Variants in POMK observed in about 807,000 individuals in gnomAD.
The protein encoded by POMK is protein O-mannose kinase.
Under a neutral mutation model 23.0 loss-of-function variants are expected in POMK, and 19 were observed. The ratio of observed to expected loss-of-function variants is 0.83; its 90% CI spans 0.58 to 1.21. POMK has a LOEUF of 1.21. Ranked by LOEUF, POMK falls within the 50% of genes most tolerant of loss-of-function variation. The pLI is 0.00. For synonymous variants in POMK, 173 were observed against 171.6 expected (o/e 1.01, Z -0.06); for missense variants, 410 against 431.3 (o/e 0.95, Z 0.44).
At chr8:43,107,821 T>G (rs554683022) in intron 4 of POMK, among the ~76,000 whole-genome samples, 1 of 152,176 alleles carries the variant, frequency 6.6e-6, no homozygotes, top group Admixed American at 6.5e-5. Flanking sequence ...GCTGGGACTA[T>G]AGGTGCACGT....
In POMK at chr8:43,103,540, G is replaced by T. The variant is rs752210389; in HGVS notation, c.-9G>T. On this transcript the variant is annotated 5_prime_UTR_variant, in exon 4 of 5. Transcript: ENST00000331373. ...TTGTGTATTTTAGGAAATTGCAGAG[G>T]CCGTCAACATGGAAAAGCAGCCCCA... 6.2e-7 allele frequency: 1 copy of T among 1,613,650 alleles called. No homozygotes were observed. Among genetic ancestry groups the T allele is most frequent in the Admixed American group, 1.7e-5 (1 of 59,978 alleles).
At chr8:43,099,086 A>G (rs1439595348) in intron 2 of POMK, among the ~76,000 whole-genome samples, 18 of 152,174 alleles carry the variant, frequency 1.2e-4, no homozygotes, top group Admixed American at 9.8e-4. Context: ...AGCTGGGCCT[A>G]TAGGCACAGG....
chr8:43,103,013 A>G lies in POMK; in HGVS notation c.-22+413A>G, dbSNP rs952345735. On this transcript the variant is annotated intron_variant, in intron 3 of 4. Transcript: ENST00000331373. ...CTTTCACCCCAAATCTACCTTTCAT[A>G]ACTGCTGAAGAGTAGCTTTTATTTC... Among the ~76,000 whole-genome samples, 5 of 152,128 alleles carry G rather than the reference A, an allele frequency of 3.3e-5. 1 individual carries two copies. Among genetic ancestry groups the G allele is most frequent in the Non-Finnish European group, 7.4e-5 (5 of 68,022 alleles).
At chr8:43,095,428 G>C (rs62517594) in intron 1 of POMK, among the ~76,000 whole-genome samples, 7,311 of 152,182 alleles carry the variant, frequency 0.048, 241 homozygotes, top group South Asian at 0.086. Context: ...AGGACTTAGG[G>C]ATATATAAAA....
In POMK at chr8:43,103,864, C is replaced by A. The variant is rs5024011; in HGVS notation, c.282+34C>A. 1,604,374 of 1,608,620 alleles carry A rather than the reference C, an allele frequency of 1. 800,151 individuals carry two copies. The highest frequency in any genetic ancestry group is 1 in the East Asian group (44,824 of 44,824). On this transcript the variant is annotated intron_variant, in intron 4 of 4. Coordinates refer to ENST00000331373, the MANE Select transcript of POMK (RefSeq NM_032237.5). ...GGGTTCATTTGCGATTGCTGTCATCCTGTTATTTCGCTTAACACAGTGTCC... is the reference window on the plus strand; with the variant it reads ...GGGTTCATTTGCGATTGCTGTCATCATGTTATTTCGCTTAACACAGTGTCC...
intron 4 of POMK, among the ~76,000 whole-genome samples, chr8:43,121,898 A>G (rs1258761254): frequency 6.6e-6 from 1 of 152,232 alleles, no homozygotes; most frequent in Non-Finnish European, 1.5e-5. Flanking sequence ...GGTTCCACCC[A>G]CTAATGTGGC....
chr8:43,099,142 G>A (rs995273250), intron 2 of POMK, among the ~76,000 whole-genome samples: 2 of 152,152 alleles, frequency 1.3e-5, no homozygotes, highest in African/African-American at 4.8e-5. Context: ...GTAGACAGGA[G>A]GTCTTACTAT....
chr8:43,101,400 A>G (rs1271327197), intron 2 of POMK, among the ~76,000 whole-genome samples: 1 of 150,052 alleles, frequency 6.7e-6, no homozygotes, highest in Non-Finnish European at 1.5e-5. Flanking sequence ...CCCGAGTGAC[A>G]GAGTCAGACC....
chr8:43,103,970 C>G, intron 4 of POMK, 140 bp downstream of exon 4: 2 of 849,990 alleles, frequency 2.4e-6, no homozygotes, highest in South Asian at 1.7e-5. Context: ...CATATGTGCA[C>G]CACATTTGCT....
At chr8:43,111,650 G>A (rs1220462922) in intron 4 of POMK, among the ~76,000 whole-genome samples, 2 of 151,920 alleles carry the variant, frequency 1.3e-5, no homozygotes, top group Non-Finnish European at 2.9e-5. Flanking sequence ...CCCCCGAGTA[G>A]CCTAACTGGG....
chr8:43,117,257 A>G (rs1811819621), intron 4 of POMK, among the ~76,000 whole-genome samples: 1 of 152,236 alleles, frequency 6.6e-6, no homozygotes, highest in African/African-American at 2.4e-5. Flanking sequence ...GTATATGTGC[A>G]AGTCACAGGG....
At chr8:43,100,726 C>T (rs563620022) in intron 2 of POMK, among the ~76,000 whole-genome samples, 10 of 151,804 alleles carry the variant, frequency 6.6e-5, no homozygotes, top group African/African-American at 2.4e-4. Flanking sequence ...GGAGGGAGGA[C>T]GGTGGGAGAC....
chr8:43,120,520 C>A (rs1190190220), intron 4 of POMK, among the ~76,000 whole-genome samples: 1 of 151,672 alleles, frequency 6.6e-6, no homozygotes, highest in Non-Finnish European at 1.5e-5. Flanking sequence ...CGCACCCAGC[C>A]GTACCATTAC....
intron 1 of POMK, among the ~76,000 whole-genome samples, chr8:43,095,681 T>C (rs1811319960): frequency 6.6e-6 from 1 of 152,140 alleles, no homozygotes; most frequent in African/African-American, 2.4e-5. Flanking sequence ...CTTGCACAAA[T>C]ACCTTCCAAA....
chr8:43,110,433 T>G (rs935842738), intron 4 of POMK, among the ~76,000 whole-genome samples: 5 of 152,248 alleles, frequency 3.3e-5, no homozygotes, highest in African/African-American at 1.2e-4. Flanking sequence ...TTTTATGAAG[T>G]ATTTAACAGG....
intron 2 of POMK, among the ~76,000 whole-genome samples, chr8:43,101,793 A>G (rs757239040): frequency 6.6e-5 from 10 of 152,048 alleles, no homozygotes; most frequent in Non-Finnish European, 1.3e-4. Context: ...TCTAGGTAGT[A>G]AAAAAGGAGT....
Position 43,122,413 on chromosome 8 carries a change from G to A in POMK, c.589G>A (p.Val197Met), listed in dbSNP as rs374943200. ...SIINYLHHSP[V>M]GTRVMCDSND... is the part of the protein sequence containing the mutation. The stretch of plus-strand genomic sequence containing the variant: ...CATTAATTACCTGCACCACAGCCCT[G>A]TGGGCACACGGGTCATGTGCGACTC... The change falls in exon 5 of 5, where the codon GTG becomes ATG. Residue 197 changes from valine to methionine, a missense_variant. Coordinates refer to ENST00000331373, the MANE Select transcript of POMK (RefSeq NM_032237.5). 6.2e-7 allele frequency: 1 copy of A among 1,614,202 alleles called. No individual in the cohort carries two copies. Among genetic ancestry groups the A allele is most frequent in the Non-Finnish European group, 8.5e-7 (1 of 1,180,040 alleles).
chr8:43,119,355 A>C (rs1811864178), intron 4 of POMK, among the ~76,000 whole-genome samples: 2 of 151,910 alleles, frequency 1.3e-5, no homozygotes, highest in Non-Finnish European at 2.9e-5. Context: ...AAAATCTTGA[A>C]CTTTTAGAAT....
At chr8:43,095,923 G>C (rs940864385) in intron 1 of POMK, among the ~76,000 whole-genome samples, 1 of 152,184 alleles carries the variant, frequency 6.6e-6, no homozygotes, top group African/African-American at 2.4e-5. Context: ...AACTTGGATT[G>C]GAGAAGGAGG....
Sources: gnomAD v4.1 joint callset for allele counts (sites outside exome capture counted in the v4.1 genomes callset) on GRCh38, gnomAD v4.1.1 for gene constraint, MANE v1.5 for transcripts, NCBI Gene and HGNC (gene_info 2026-07-23, HGNC 2026-07-21) for gene names.